CNTN5: variants seen among roughly 807,000 people sequenced by gnomAD.
The protein encoded by CNTN5 is contactin 5, also known as contactin-5.
In CNTN5, 77 loss-of-function variants were observed where a neutral mutation model predicts 129.1. That is an observed-to-expected ratio of 0.60 (90% CI 0.50 to 0.72). The LOEUF (loss-of-function observed/expected upper bound fraction) is 0.72. Among genes scored for constraint, CNTN5 ranks in the 30% least tolerant of loss-of-function variants. The pLI is 0.00. For synonymous variants in CNTN5, 509 were observed against 465.6 expected (o/e 1.09, Z -1.20); for missense variants, 1,478 against 1,328.8 (o/e 1.11, Z -1.75).
chr11:99,365,210 A>G (rs2136117670), intron 2 of CNTN5, among the ~76,000 whole-genome samples: 1 of 152,274 alleles, frequency 6.6e-6, no homozygotes, highest in Non-Finnish European at 1.5e-5. Flanking sequence ...TCCTTTTCCC[A>G]TCTTTAAAAT....
chr11:99,847,250 C>G (rs1005286634), intron 6 of CNTN5, among the ~76,000 whole-genome samples: 1 of 152,152 alleles, frequency 6.6e-6, no homozygotes, highest in Non-Finnish European at 1.5e-5. Flanking sequence ...TTTACATATC[C>G]ATATGACTGT....
rs573175468 is a variant in CNTN5, at chr11:99,919,898, C to T, written c.673+3749C>T. Among the ~76,000 whole-genome samples the T allele has an allele frequency of 5.3e-4, 80 of 151,506 alleles. 1 individual carries two copies. Among genetic ancestry groups the T allele is most frequent in the Middle Eastern group, 3.4e-3 (1 of 292 alleles). ...CTTGAACTCCTAGGCTTAAGTGATC[C>T]GCTCACCTATAATCCCAAAGTGCTG... On this transcript the variant is annotated intron_variant, in intron 7 of 24. Coordinates refer to ENST00000524871, the MANE Select transcript of CNTN5 (RefSeq NM_014361.4).
chr11:99,864,990 G>A (rs1212554177), intron 6 of CNTN5, among the ~76,000 whole-genome samples: 5 of 152,224 alleles, frequency 3.3e-5, no homozygotes, highest in South Asian at 2.1e-4. Flanking sequence ...TTAATAAGTG[G>A]ATATCAGTTA....
Position 99,401,459 on chromosome 11 carries a change from C to A in CNTN5, c.-71+75975C>A, listed in dbSNP as rs1471255185. Among the ~76,000 whole-genome samples, 7 of 152,166 alleles carry A rather than the reference C, an allele frequency of 4.6e-5. No homozygotes were observed. In the South Asian group the frequency reaches 1.2e-3, roughly 27 times the overall value. On this transcript the variant is annotated intron_variant, in intron 2 of 24. Coordinates refer to ENST00000524871, the MANE Select transcript of CNTN5 (RefSeq NM_014361.4). ...TGTATGTGTCTGTTTTATGCCAGTA[C>A]AATATCATGTTATTTTGGTTACTAT...
intron 1 of CNTN5, among the ~76,000 whole-genome samples, chr11:99,173,836 A>G (rs578224505): frequency 6.6e-6 from 1 of 152,328 alleles, no homozygotes; most frequent in Admixed American, 6.5e-5. Flanking sequence ...AATATCAGTT[A>G]TTAGGCTATT....
chr11:99,556,338 C>T, intron 3 of CNTN5, 69 bp downstream of exon 3: 1 of 935,854 alleles, frequency 1.1e-6, no homozygotes, highest in Non-Finnish European at 1.6e-6. Flanking sequence ...ATCAAGGTCT[C>T]CATTACAAAA....
At chr11:99,054,592 C>T (rs1435857614) in intron 1 of CNTN5, among the ~76,000 whole-genome samples, 1 of 151,744 alleles carries the variant, frequency 6.6e-6, no homozygotes, top group Middle Eastern at 3.2e-3. Flanking sequence ...CCAAAGCGTT[C>T]CTTAATCCTT....
chr11:99,639,201 CT>C (rs1173327452), intron 3 of CNTN5, among the ~76,000 whole-genome samples: 1 of 152,178 alleles, frequency 6.6e-6, no homozygotes, highest in East Asian at 1.9e-4. Context: ...GTACATTGGC[CT>C]TTTCAGCCAC....
chr11:100,320,407 ATTGAG>A (rs747557891), intron 21 of CNTN5, among the ~76,000 whole-genome samples: 22 of 152,148 alleles, frequency 1.4e-4, no homozygotes, highest in South Asian at 1.0e-3. Context: ...TTTTCTTGCT[ATTGAG>A]TTGAGTTGCA....
chr11:99,432,583 C>G (rs1180579097), intron 2 of CNTN5, among the ~76,000 whole-genome samples: 1 of 151,158 alleles, frequency 6.6e-6, no homozygotes, highest in Non-Finnish European at 1.5e-5. Context: ...AGTGTTTATA[C>G]AAACAGTCAT....
chr11:99,063,872 G>A (rs1864989503), intron 1 of CNTN5, among the ~76,000 whole-genome samples: 1 of 151,926 alleles, frequency 6.6e-6, no homozygotes, highest in Non-Finnish European at 1.5e-5. Context: ...AACCTCTACT[G>A]GCAACATATT....
At chr11:100,210,773 C>A (rs1949014240) in intron 15 of CNTN5, among the ~76,000 whole-genome samples, 1 of 152,078 alleles carries the variant, frequency 6.6e-6, no homozygotes, top group African/African-American at 2.4e-5. Flanking sequence ...CTTCAAGAAA[C>A]CTTTCAAGAA....
chr11:99,154,078 G>T (rs1356467863), intron 1 of CNTN5, among the ~76,000 whole-genome samples: 1 of 152,154 alleles, frequency 6.6e-6, no homozygotes, highest in African/African-American at 2.4e-5. Flanking sequence ...GATTGTGCCA[G>T]CCAAAGCCTT....
intron 9 of CNTN5, among the ~76,000 whole-genome samples, chr11:100,058,253 G>A (rs968766360): frequency 6.6e-6 from 1 of 152,098 alleles, no homozygotes; most frequent in Non-Finnish European, 1.5e-5. Flanking sequence ...TCCACTGACG[G>A]TGGCAGACCC....
Position 99,973,107 on chromosome 11 carries a change from A to T in CNTN5, c.877+16098A>T, listed in dbSNP as rs187874356. Among the ~76,000 whole-genome samples, 12 of 152,320 alleles carry T rather than the reference A, an allele frequency of 7.9e-5. No individual in the cohort carries two copies. The East Asian group carries it at 9.7e-4, about 12-fold the overall frequency. On this transcript the variant is annotated intron_variant, in intron 8 of 24. Coordinates refer to ENST00000524871, the MANE Select transcript of CNTN5 (RefSeq NM_014361.4). ...CGTGTTGGAGGGAATCTCACTAAAA[A>T]TACAGATTCCTGGTTCTCCCTTAGA...
intron 2 of CNTN5, among the ~76,000 whole-genome samples, chr11:99,370,047 T>C (rs574544775): frequency 1.3e-5 from 2 of 152,210 alleles, no homozygotes; most frequent in Non-Finnish European, 2.9e-5. Context: ...GACAAAGCAG[T>C]TGAAAAGGTG....
At chr11:99,898,129 C>T (rs1451644930) in intron 6 of CNTN5, among the ~76,000 whole-genome samples, 1 of 151,304 alleles carries the variant, frequency 6.6e-6, no homozygotes, top group Non-Finnish European at 1.5e-5. Flanking sequence ...ATAGAAAAAT[C>T]TTCAGCTGGA....
At chr11:99,522,143 G>A (rs1368813343) in intron 2 of CNTN5, among the ~76,000 whole-genome samples, 1 of 152,134 alleles carries the variant, frequency 6.6e-6, no homozygotes. Flanking sequence ...AAGATTTGGA[G>A]ACAGCAGAAG....
chr11:99,416,563 A>ATGG (rs1269462387), intron 2 of CNTN5, among the ~76,000 whole-genome samples: 2 of 152,168 alleles, frequency 1.3e-5, no homozygotes, highest in Non-Finnish European at 1.5e-5. Flanking sequence ...TGAGATTACA[A>ATGG]GCATAAGCCA....
Sources: allele counts gnomAD v4.1 joint callset (sites outside exome capture counted in the v4.1 genomes callset), GRCh38; gene constraint gnomAD v4.1.1; transcripts MANE v1.5; gene names NCBI Gene and HGNC (gene_info 2026-07-23, HGNC 2026-07-21).